The following ADO variants were observed in gnomAD, a reference collection of about 807,000 sequenced individuals.
The protein encoded by ADO is 2-aminoethanethiol (cysteamine) dioxygenase.
A neutral mutation model predicts 16.6 loss-of-function variants in ADO; 9 were observed. That is an observed-to-expected ratio of 0.54 (90% confidence interval 0.33 to 0.95). ADO has a LOEUF of 0.95. ADO is among the 40% of genes least tolerant of loss of function. The pLI is 0.03. For missense variants in ADO, 356 were observed against 386.4 expected (o/e 0.92, Z 0.66); for synonymous variants, 189 against 179.6 (o/e 1.05, Z -0.42).
rs1052289471 is a variant in ADO at position 62,805,074 on chromosome 10, C to G, written c.15C>G (p.Asn5Lys). 6.6e-7 allele frequency: 1 copy of G among 1,510,018 alleles called. No homozygotes were observed. The highest frequency in any genetic ancestry group is 2.3e-5 in the Admixed American group (1 of 44,176). The allele number at this position is 1,510,018 out of a possible 1,614,324, so 93.5% of individuals were successfully genotyped here. A position where few individuals can be genotyped will look rare whatever the true frequency, so the allele number is the denominator to read the frequency against. ...AGCAGCCGACCATGCCCCGAGACAACATGGCCTCCTTGATCCAACGGATCG... is the reference window on the plus strand; with the variant it reads ...AGCAGCCGACCATGCCCCGAGACAAGATGGCCTCCTTGATCCAACGGATCG... Reference protein sequence around the residue: MPRDNMASLIQRIAR... With the variant: MPRDKMASLIQRIAR... Residue 5 changes from asparagine (N) to lysine (K), a missense_variant, in exon 1 of 1, where the codon AAC becomes AAG. Transcript: ENST00000373783. The surrounding 1 kb of genome is among the most constrained non-coding windows in gnomAD (Gnocchi z 6.4).
chr10:62,805,551 C>T lies in ADO; in HGVS notation c.492C>T (p.Ala164=), dbSNP rs1564702065. 1 of 1,553,186 alleles carries T rather than the reference C, an allele frequency of 6.4e-7. No individual in the cohort carries two copies. The highest frequency in any genetic ancestry group is 8.7e-7 in the Non-Finnish European group (1 of 1,150,358). Residue 164 remains alanine, a synonymous_variant, in exon 1 of 1, where the codon GCC becomes GCT. Coordinates refer to ENST00000373783, the MANE Select transcript of ADO (RefSeq NM_032804.6). The surrounding 1 kb of genome is among the most constrained non-coding windows in gnomAD (Gnocchi z 6.4). ...EPPLQPRERE[A]VRPGVLRSRA... The stretch of plus-strand genomic sequence containing the variant: ...CGCTGCAGCCCCGGGAGCGAGAAGC[C>T]GTGCGGCCGGGCGTGCTGCGTTCGC...
rs943906588 is a variant in ADO at position 62,805,937 on chromosome 10, C to CT, written c.*66dup. On this transcript the variant is annotated 3_prime_UTR_variant, in exon 1 of 1. Coordinates refer to ENST00000373783, the MANE Select transcript of ADO (RefSeq NM_032804.6). The surrounding 1 kb of genome is among the most constrained non-coding windows in gnomAD (Gnocchi z 6.4). ...CTACCCTACCACAAGGGCTGTGTCT[C>CT]TACCCCCTAGCCTGGGCGTTGGATC... 1.3e-5 allele frequency: 18 copies of CT among 1,381,826 alleles called. No individual in the cohort carries two copies. Among genetic ancestry groups the CT allele is most frequent in the Non-Finnish European group, 1.5e-5 (16 of 1,050,404 alleles). 85.6% of individuals were successfully genotyped at this position (1,381,826 alleles called of 1,614,324 possible). A position where few individuals can be genotyped will look rare whatever the true frequency, so the allele number is the denominator to read the frequency against.
At position 62,808,060 on chromosome 10, in the gene ADO, A is replaced by C. The variant is rs1235161069; in HGVS notation, c.*2188A>C. ...TTTTCAATTACGAGCAATTTGGAAG[A>C]AAAAACCTAAGGTGCTTTTCAAAAG... On this transcript the variant is annotated 3_prime_UTR_variant, in exon 1 of 1. Transcript: ENST00000373783. 1 of 167,226 alleles carries C rather than the reference A, an allele frequency of 6.0e-6. No homozygotes were observed. 10.4% of individuals were successfully genotyped at this position (167,226 alleles called of 1,614,324 possible).
rs986353127 is a variant in ADO at position 62,807,661 on chromosome 10, T to C, written c.*1789T>C. ...ATAGTACCAAGTATTTCCTGCATTG[T>C]TGCTAAAATTGTTTTATTGTAGCTC... On this transcript the variant is annotated 3_prime_UTR_variant, in exon 1 of 1. Coordinates refer to ENST00000373783, the MANE Select transcript of ADO (RefSeq NM_032804.6). The C allele has an allele frequency of 1.2e-5, 2 of 167,266 alleles. No homozygotes were observed. The highest frequency in any genetic ancestry group is 4.8e-5 in the African/African-American group (2 of 41,480). 10.4% of individuals were successfully genotyped at this position (167,266 alleles called of 1,614,324 possible).
Position 62,805,203 on chromosome 10 carries a change from C to A in ADO, c.144C>A (p.Pro48=), listed in dbSNP as rs751527435. 2 of 1,602,790 alleles carry A rather than the reference C, an allele frequency of 1.2e-6. No individual in the cohort carries two copies. Among genetic ancestry groups the A allele is most frequent in the Non-Finnish European group, 8.5e-7 (1 of 1,177,578 alleles). Residue 48 remains proline (P), a synonymous_variant, in exon 1 of 1, where the codon CCC becomes CCA. Coordinates refer to ENST00000373783, the MANE Select transcript of ADO (RefSeq NM_032804.6). The surrounding 1 kb of genome is among the most constrained non-coding windows in gnomAD (Gnocchi z 6.4). ...GPEAPMQPGF[P]ENLSKLKSLL... ...AGGCGCCGATGCAGCCGGGCTTCCC[C>A]GAGAACCTGAGCAAGCTGAAGAGCC... is the stretch of plus-strand genomic sequence containing the variant.
rs747647989 is a variant in ADO, at chr10:62,805,099, G to T, written c.40G>T (p.Ala14Ser). ...DNMASLIQRI[A>S]RQACLTFRGS... The stretch of plus-strand genomic sequence containing the variant: ...CATGGCCTCCTTGATCCAACGGATC[G>T]CCCGCCAGGCTTGCCTCACCTTCCG... The change falls in exon 1 of 1, where the codon GCC becomes TCC. Residue 14 changes from alanine to serine, a missense_variant. Ala to Ser is a moderately conservative substitution (Grantham distance 99). Transcript: ENST00000373783. This position sits in a 1 kb window ranked among gnomAD's most constrained non-coding sequence, Gnocchi z 6.4. The T allele has an allele frequency of 6.6e-6, 10 of 1,525,424 alleles. No homozygotes were observed. In the Admixed American group the frequency reaches 1.9e-4, roughly 30 times the overall value. The allele number at this position is 1,525,424 out of a possible 1,614,324, so 94.5% of individuals were successfully genotyped here.
Position 62,804,997 on chromosome 10 carries a change from G to A in ADO, c.-63G>A, listed in dbSNP as rs1215770697. The A allele has an allele frequency of 3.0e-6, 4 of 1,339,778 alleles. No individual in the cohort carries two copies. Among genetic ancestry groups the A allele is most frequent in the South Asian group, 1.9e-5 (1 of 53,454 alleles). 83.0% of individuals were successfully genotyped at this position (1,339,778 alleles called of 1,614,324 possible). On this transcript the variant is annotated 5_prime_UTR_variant, in exon 1 of 1. Transcript: ENST00000373783. ...GCTGGGGGCAGCCGTGGCGGCCGCC[G>A]GGGACCGCAAGGGGCGGAGGAAAGG...
rs1475696093 is a variant in ADO, at chr10:62,805,152, C to G, written c.93C>G (p.Ser31=). Residue 31 remains serine (S), a synonymous_variant, in exon 1 of 1, where the codon TCC becomes TCG. Transcript: ENST00000373783. This position sits in a 1 kb window ranked among gnomAD's most constrained non-coding sequence, Gnocchi z 6.4. ...FRGSGGGRGA[S]DRDAASGPEA... ...GCAGCGGGGGCGGCCGCGGCGCTTCCGATCGCGACGCGGCTTCTGGCCCGG... is the reference window on the plus strand; with the variant it reads ...GCAGCGGGGGCGGCCGCGGCGCTTCGGATCGCGACGCGGCTTCTGGCCCGG... 4.4e-6 allele frequency: 7 copies of G among 1,585,896 alleles called. No homozygotes were observed. The highest frequency in any genetic ancestry group is 3.4e-5 in the South Asian group (3 of 89,012).
In ADO at chr10:62,804,723, C is replaced by G. The variant is rs1456121970; in HGVS notation, c.-337C>G. On this transcript the variant is annotated 5_prime_UTR_variant, in exon 1 of 1. Coordinates refer to ENST00000373783, the MANE Select transcript of ADO (RefSeq NM_032804.6). ...CGGCATGCTCCGCAGGGTCCCCGGG[C>G]GCCCGGCCACCGTCGTAGGTGCGGG... 5.3e-6 allele frequency: 1 copy of G among 188,702 alleles called. No individual in the cohort carries two copies. Among genetic ancestry groups the G allele is most frequent in the Non-Finnish European group, 1.1e-5 (1 of 92,234 alleles). 11.7% of individuals were successfully genotyped at this position (188,702 alleles called of 1,614,324 possible).
rs1236412886 is a variant in ADO, at chr10:62,807,502, G to A, written c.*1630G>A. On this transcript the variant is annotated 3_prime_UTR_variant, in exon 1 of 1. Coordinates refer to ENST00000373783, the MANE Select transcript of ADO (RefSeq NM_032804.6). Reference sequence around the variant, plus strand: ...ATGCACACAGAGACCCAGGGTGAGGGAGTATTTGTTCCCAGTTTTTAAGAT... The same window carrying A: ...ATGCACACAGAGACCCAGGGTGAGGAAGTATTTGTTCCCAGTTTTTAAGAT... 6.0e-6 allele frequency: 1 copy of A among 167,106 alleles called. No homozygotes were observed. Among genetic ancestry groups the A allele is most frequent in the Non-Finnish European group, 1.5e-5 (1 of 68,114 alleles). 10.4% of individuals were successfully genotyped at this position (167,106 alleles called of 1,614,324 possible). A position where few individuals can be genotyped will look rare whatever the true frequency, so the allele number is the denominator to read the frequency against.
Position 62,806,118 on chromosome 10 carries a change from G to T in ADO, c.*246G>T. ...CACTGGGGCTTTGATTTGGAGGAAT[G>T]GGGCAGGGGACTATCTGAAGCGCTT... is the stretch of plus-strand genomic sequence containing the variant. On this transcript the variant is annotated 3_prime_UTR_variant, in exon 1 of 1. Transcript: ENST00000373783. 1 of 467,628 alleles carries T rather than the reference G, an allele frequency of 2.1e-6. No individual in the cohort carries two copies. The highest frequency in any genetic ancestry group is 3.9e-6 in the Non-Finnish European group (1 of 258,362). 29.0% of individuals were successfully genotyped at this position (467,628 alleles called of 1,614,324 possible). A position where few individuals can be genotyped will look rare whatever the true frequency, so the allele number is the denominator to read the frequency against.
At position 62,805,777 on chromosome 10, in the gene ADO, G is replaced by A. The variant is rs1464993748; in HGVS notation, c.718G>A (p.Asp240Asn). Residue 240 changes from aspartate (D) to asparagine (N), a missense_variant, in exon 1 of 1, where the codon GAC becomes AAC. Coordinates refer to ENST00000373783, the MANE Select transcript of ADO (RefSeq NM_032804.6). The surrounding 1 kb of genome is among the most constrained non-coding windows in gnomAD (Gnocchi z 6.4). ...RPKEASSSAC[D>N]LPREVWLLET... is the part of the protein sequence containing the mutation. The stretch of plus-strand genomic sequence containing the variant: ...CAAGGAGGCCTCCAGCTCGGCCTGT[G>A]ACCTGCCTCGAGAGGTGTGGCTCCT... The A allele has an allele frequency of 1.3e-6, 2 of 1,596,820 alleles. No homozygotes were observed. The highest frequency in any genetic ancestry group is 2.3e-5 in the East Asian group (1 of 44,234).
chr10:62,804,908 A>C lies in ADO; in HGVS notation c.-152A>C. 1 of 632,714 alleles carries C rather than the reference A, an allele frequency of 1.6e-6. No individual in the cohort carries two copies. The highest frequency in any genetic ancestry group is 2.2e-6 in the Non-Finnish European group (1 of 450,012). The allele number at this position is 632,714 out of a possible 1,614,324, so 39.2% of individuals were successfully genotyped here. On this transcript the variant is annotated 5_prime_UTR_variant, in exon 1 of 1. Transcript: ENST00000373783. ...GGCAGTTGCGGGCGCGTGGCTGCTGAGGTTGGCGGCGGTGCCGCGCGCCCG... is the reference window on the plus strand; with the variant it reads ...GGCAGTTGCGGGCGCGTGGCTGCTGCGGTTGGCGGCGGTGCCGCGCGCCCG...
rs1487930250 is a variant in ADO at position 62,805,084 on chromosome 10, T to C, written c.25T>C (p.Leu9=). 2 of 1,523,250 alleles carry C rather than the reference T, an allele frequency of 1.3e-6. No homozygotes were observed. Among genetic ancestry groups the C allele is most frequent in the Admixed American group, 4.3e-5 (2 of 46,114 alleles). The allele number at this position is 1,523,250 out of a possible 1,614,324, so 94.4% of individuals were successfully genotyped here. ...CATGCCCCGAGACAACATGGCCTCC[T>C]TGATCCAACGGATCGCCCGCCAGGC... MPRDNMAS[L]IQRIARQACL... Residue 9 remains leucine (L), a synonymous_variant, in exon 1 of 1, where the codon TTG becomes CTG. Coordinates refer to ENST00000373783, the MANE Select transcript of ADO (RefSeq NM_032804.6). This position sits in a 1 kb window ranked among gnomAD's most constrained non-coding sequence, Gnocchi z 6.4.
rs1168418091 is a variant in ADO at position 62,807,985 on chromosome 10, G to A, written c.*2113G>A. The A allele has an allele frequency of 1.2e-5, 2 of 166,942 alleles. No individual in the cohort carries two copies. Among genetic ancestry groups the A allele is most frequent in the Non-Finnish European group, 2.9e-5 (2 of 68,094 alleles). 10.3% of individuals were successfully genotyped at this position (166,942 alleles called of 1,614,324 possible). Reference sequence around the variant, plus strand: ...GAAAACTCATCCTGGCTGTAGGATAGTAATAAAGGAAGAATTATGACTTCA... The same window carrying A: ...GAAAACTCATCCTGGCTGTAGGATAATAATAAAGGAAGAATTATGACTTCA... On this transcript the variant is annotated 3_prime_UTR_variant, in exon 1 of 1. Coordinates refer to ENST00000373783, the MANE Select transcript of ADO (RefSeq NM_032804.6).
rs1198406906 is a variant in ADO at position 62,807,782 on chromosome 10, T to C, written c.*1910T>C. 1 of 167,236 alleles carries C rather than the reference T, an allele frequency of 6.0e-6. No homozygotes were observed. Among genetic ancestry groups the C allele is most frequent in the Non-Finnish European group, 1.5e-5 (1 of 68,128 alleles). The allele number at this position is 167,236 out of a possible 1,614,324, so 10.4% of individuals were successfully genotyped here. On this transcript the variant is annotated 3_prime_UTR_variant, in exon 1 of 1. Coordinates refer to ENST00000373783, the MANE Select transcript of ADO (RefSeq NM_032804.6). Reference sequence around the variant, plus strand: ...AATAAAATTCTAGATATGCAAATGATTTTCTTAGAAAACTTCACAAAATAA... The same window carrying C: ...AATAAAATTCTAGATATGCAAATGACTTTCTTAGAAAACTTCACAAAATAA...
rs1443860545 is a variant in ADO at position 62,806,608 on chromosome 10, A to C, written c.*736A>C. On this transcript the variant is annotated 3_prime_UTR_variant, in exon 1 of 1. Transcript: ENST00000373783. Reference sequence around the variant, plus strand: ...CACTTAGAGCTTATCTTCCCTATGAATCTCCAGATCTGTGAGTCGAGCAGA... The same window carrying C: ...CACTTAGAGCTTATCTTCCCTATGACTCTCCAGATCTGTGAGTCGAGCAGA... The C allele has an allele frequency of 6.0e-6, 1 of 167,220 alleles. No individual in the cohort carries two copies. Among genetic ancestry groups the C allele is most frequent in the Non-Finnish European group, 1.5e-5 (1 of 68,108 alleles). The allele number at this position is 167,220 out of a possible 1,614,324, so 10.4% of individuals were successfully genotyped here.
rs939484151 is a variant in ADO, at chr10:62,808,348, C to T, written c.*2476C>T. The T allele has an allele frequency of 1.2e-5, 2 of 167,248 alleles. No homozygotes were observed. The highest frequency in any genetic ancestry group is 4.8e-5 in the African/African-American group (2 of 41,456). The allele number at this position is 167,248 out of a possible 1,614,324, so 10.4% of individuals were successfully genotyped here. On this transcript the variant is annotated 3_prime_UTR_variant, in exon 1 of 1. Coordinates refer to ENST00000373783, the MANE Select transcript of ADO (RefSeq NM_032804.6). ...GTTGCTATTGTGTTTCTATATACTC[C>T]GTCCAATATAGATAATGTTTTAATA...
chr10:62,805,804 G>C lies in ADO; in HGVS notation c.745G>C (p.Glu249Gln). 6.3e-7 allele frequency: 1 copy of C among 1,583,824 alleles called. No homozygotes were observed. The change falls in exon 1 of 1, where the codon GAG becomes CAG. Residue 249 changes from glutamate to glutamine, a missense_variant. Glu to Gln is a conservative substitution (Grantham distance 29). Transcript: ENST00000373783. This position sits in a 1 kb window ranked among gnomAD's most constrained non-coding sequence, Gnocchi z 6.4. ...CDLPREVWLL[E>Q]TPQADDFWCE... ...CCTGCCTCGAGAGGTGTGGCTCCTGGAGACCCCACAGGCCGATGACTTCTG... is the reference window on the plus strand; with the variant it reads ...CCTGCCTCGAGAGGTGTGGCTCCTGCAGACCCCACAGGCCGATGACTTCTG...
Sources: allele counts gnomAD v4.1 joint callset, GRCh38; gene constraint gnomAD v4.1.1; non-coding constraint Gnocchi (gnomAD v3.1); transcripts MANE v1.5; gene names NCBI Gene and HGNC (gene_info 2026-07-23, HGNC 2026-07-21).